The following TBC1D4 variants were observed in gnomAD, a reference collection of about 807,000 sequenced individuals.
The protein encoded by TBC1D4 is TBC1 domain family member 4, also known as TBC (Tre-2, BUB2, CDC16) domain-containing protein.
A neutral mutation model predicts 142.5 loss-of-function variants in TBC1D4; 121 were observed. That is an observed-to-expected ratio of 0.85 (90% CI 0.73 to 0.99). TBC1D4 has a LOEUF of 0.99. Ranked by LOEUF, TBC1D4 falls within the 50% of genes least tolerant of loss-of-function variation. The probability of loss-of-function intolerance (pLI) is 0.00; values close to 1 mark genes in which losing one functional copy is unlikely to be tolerated. For synonymous variants in TBC1D4, 630 were observed against 628.2 expected, an observed-to-expected ratio of 1.00 and a Z score of -0.04; for missense variants, 1,475 against 1,606.6, an observed-to-expected ratio of 0.92 and a Z score of 1.40.
intron 1 of TBC1D4, among the ~76,000 whole-genome samples, chr13:75,393,712 A>T (rs904947537): frequency 7.2e-5 from 11 of 152,164 alleles, no homozygotes; most frequent in Non-Finnish European, 1.6e-4. Flanking sequence ...TGGGCGGATC[A>T]CCTAAGGTTG....
intron 5 of TBC1D4, among the ~76,000 whole-genome samples, chr13:75,347,521 T>C (rs1881245554): frequency 6.6e-6 from 1 of 152,242 alleles, no homozygotes; most frequent in African/African-American, 2.4e-5. Flanking sequence ...TTCTGTGTCT[T>C]AATAAATCTC....
chr13:75,398,323 A>C lies in TBC1D4; in HGVS notation c.499-35716T>G, dbSNP rs1884905918. On this transcript the variant is annotated intron_variant, in intron 1 of 20. Transcript: ENST00000377636. Reference sequence around the variant, plus strand: ...AGTGGGTGCTGGCATAAGAAAATCTAAAACATGTGGAATTGGCTTTGGGAA... The same window carrying C: ...AGTGGGTGCTGGCATAAGAAAATCTCAAACATGTGGAATTGGCTTTGGGAA... 2.0e-5 allele frequency among the ~76,000 whole-genome samples: 3 copies of C among 152,208 alleles called. No homozygotes were observed. The South Asian group carries it at 6.2e-4, about 32-fold the overall frequency.
At chr13:75,373,189 A>C (rs557277706) in intron 1 of TBC1D4, among the ~76,000 whole-genome samples, 204 of 152,290 alleles carry the variant, frequency 1.3e-3, no homozygotes, top group African/African-American at 4.6e-3. Flanking sequence ...TTATCAGGAA[A>C]CAAAAAACGC....
At chr13:75,305,987 T>C (rs146693682) in intron 15 of TBC1D4, among the ~76,000 whole-genome samples, 30 of 152,300 alleles carry the variant, frequency 2.0e-4, no homozygotes, top group African/African-American at 6.5e-4. Context: ...TATATGTAAA[T>C]GAATACTTCT....
chr13:75,362,542 G>A lies in TBC1D4; in HGVS notation c.564C>T (p.Pro188=). 6.2e-7 allele frequency: 1 copy of A among 1,614,218 alleles called. No individual in the cohort carries two copies. Among genetic ancestry groups the A allele is most frequent in the Middle Eastern group, 1.6e-4 (1 of 6,062 alleles). ...SKAAMKEDAK[P]SKDNEDAFYN... The stretch of plus-strand genomic sequence containing the variant: ...AAAAGGCGTCCTCATTATCTTTGCT[G>A]GGTTTGGCATCCTCTTTCATGGCCG... The change falls in exon 2 of 21, where the codon CCC becomes CCT. Residue 188 remains proline (P), a synonymous_variant. Coordinates refer to ENST00000377636, the MANE Select transcript of TBC1D4 (RefSeq NM_014832.5). The surrounding 1 kb of genome is among the most constrained non-coding windows in gnomAD (Gnocchi z 4.2).
intron 1 of TBC1D4, among the ~76,000 whole-genome samples, chr13:75,440,942 T>C (rs1887012087): frequency 6.6e-6 from 1 of 152,126 alleles, no homozygotes; most frequent in Non-Finnish European, 1.5e-5. Flanking sequence ...GGTGCTGTGC[T>C]AAATGCTATG....
At chr13:75,415,970 A>G (rs1468814587) in intron 1 of TBC1D4, among the ~76,000 whole-genome samples, 3 of 152,262 alleles carry the variant, frequency 2.0e-5, no homozygotes, top group African/African-American at 7.2e-5. Flanking sequence ...CACAGAACTT[A>G]GCAATCTGAC....
intron 12 of TBC1D4, among the ~76,000 whole-genome samples, chr13:75,317,043 A>G (rs1019344098): frequency 6.6e-6 from 1 of 152,200 alleles, no homozygotes; most frequent in Non-Finnish European, 1.5e-5. Context: ...GGTAGATGTC[A>G]TTACTACTTC....
intron 1 of TBC1D4, among the ~76,000 whole-genome samples, chr13:75,394,003 T>C (rs1884638714): frequency 6.6e-6 from 1 of 152,036 alleles, no homozygotes; most frequent in Non-Finnish European, 1.5e-5. Flanking sequence ...AGAGGAAGAA[T>C]ATGAGTCAGT....
At chr13:75,375,531 T>C (rs984190754) in intron 1 of TBC1D4, 2 of 152,206 alleles carry the variant, frequency 1.3e-5, no homozygotes, top group African/African-American at 4.8e-5. Flanking sequence ...CAGAAGTTTA[T>C]TTCCCTGTCA....
At chr13:75,293,108 T>C (rs1875514331) in intron 18 of TBC1D4, among the ~76,000 whole-genome samples, 1 of 152,208 alleles carries the variant, frequency 6.6e-6, no homozygotes, top group Non-Finnish European at 1.5e-5. Context: ...TGAATTGATA[T>C]TGTGCCCTGC....
intron 1 of TBC1D4, among the ~76,000 whole-genome samples, chr13:75,365,840 T>A (rs1419865009): frequency 6.6e-6 from 1 of 152,164 alleles, no homozygotes; most frequent in African/African-American, 2.4e-5. Flanking sequence ...GAATGAATGC[T>A]GACAGCAAAC....
chr13:75,413,910 G>C (rs1054966050), intron 1 of TBC1D4, among the ~76,000 whole-genome samples: 2 of 152,142 alleles, frequency 1.3e-5, no homozygotes, highest in African/African-American at 2.4e-5. Context: ...TTCTTCTAGA[G>C]CAGGGTTTCT....
At chr13:75,447,596 T>TACACAC (rs374789087) in intron 1 of TBC1D4, among the ~76,000 whole-genome samples, 2 of 151,440 alleles carry the variant, frequency 1.3e-5, no homozygotes, top group African/African-American at 4.9e-5. Flanking sequence ...ATACTTTATA[T>TACACAC]ACACACACAC....
In TBC1D4 at chr13:75,392,525, C is replaced by T. The variant is rs905938643; in HGVS notation, c.499-29918G>A. ...AATATCGCACTGTCCCTCCTTCTGTCCTCTCATACACTGAAGACATTTTCC... is the reference window on the plus strand; with the variant it reads ...AATATCGCACTGTCCCTCCTTCTGTTCTCTCATACACTGAAGACATTTTCC... On this transcript the variant is annotated intron_variant, in intron 1 of 20. Transcript: ENST00000377636. 2.0e-5 allele frequency among the ~76,000 whole-genome samples: 3 copies of T among 152,296 alleles called. No individual in the cohort carries two copies. In the South Asian group the frequency reaches 6.2e-4, roughly 32 times the overall value.
intron 20 of TBC1D4, 139 bp from the exon 21 acceptor site, chr13:75,287,164 G>A: frequency 2.7e-6 from 2 of 745,598 alleles, no homozygotes; most frequent in Non-Finnish European, 4.5e-6. Context: ...TACAGGAAAC[G>A]ATGATTTATT....
chr13:75,410,883 C>G (rs1324128423), intron 1 of TBC1D4, among the ~76,000 whole-genome samples: 1 of 123,314 alleles, frequency 8.1e-6, no homozygotes, highest in East Asian at 2.6e-4. Context: ...TTGCAGTGAG[C>G]CGAGATCGCG....
chr13:75,322,454 G>C (rs1359101350), intron 11 of TBC1D4, among the ~76,000 whole-genome samples: 1 of 152,152 alleles, frequency 6.6e-6, no homozygotes, highest in Non-Finnish European at 1.5e-5. Flanking sequence ...ATGAGGTATA[G>C]AGGGCTTTGG....
At chr13:75,402,896 C>T (rs933663500) in intron 1 of TBC1D4, among the ~76,000 whole-genome samples, 17 of 152,154 alleles carry the variant, frequency 1.1e-4, no homozygotes, top group Admixed American at 4.6e-4. Flanking sequence ...GATTAAGTTA[C>T]ATACACAAGG....
Sources: gnomAD v4.1 joint callset for allele counts (sites outside exome capture counted in the v4.1 genomes callset) on GRCh38, gnomAD v4.1.1 for gene constraint, Gnocchi (gnomAD v3.1) non-coding constraint, MANE v1.5 for transcripts, NCBI Gene and HGNC (gene_info 2026-07-23, HGNC 2026-07-21) for gene names.